ADAMTS16: variants seen among roughly 807,000 people sequenced by gnomAD.
The protein encoded by ADAMTS16 is A disintegrin and metalloproteinase with thrombospondin motifs 16.
Under a neutral mutation model 145.8 loss-of-function variants are expected in ADAMTS16, and 94 were observed. The ratio of observed to expected loss-of-function variants is 0.64; its 90% CI spans 0.55 to 0.77. The LOEUF is 0.77. Ranked by LOEUF, ADAMTS16 falls within the 30% of genes least tolerant of loss-of-function variation. The pLI is 0.00. For synonymous variants in ADAMTS16, 659 were observed against 604.3 expected (o/e 1.09, Z -1.33); for missense variants, 1,585 against 1,591.5 (o/e 1.00, Z 0.07).
chr5:5,143,873 C>T (rs1264890402), intron 2 of ADAMTS16, among the ~76,000 whole-genome samples: 1 of 152,102 alleles, frequency 6.6e-6, no homozygotes, highest in African/African-American at 2.4e-5. Flanking sequence ...AGCAAACTAA[C>T]ACAGGAACAG....
At chr5:5,173,853 G>C (rs1384523627) in intron 3 of ADAMTS16, among the ~76,000 whole-genome samples, 1 of 152,048 alleles carries the variant, frequency 6.6e-6, no homozygotes, top group Non-Finnish European at 1.5e-5. Flanking sequence ...CTTTAACTTT[G>C]TCCTCCAGCA....
Position 5,186,068 on chromosome 5 carries a change from C to T in ADAMTS16, c.780C>T (p.Pro260=). The change falls in exon 5 of 23, where the codon CCC becomes CCT. Residue 260 remains proline (P), a synonymous_variant. Coordinates refer to ENST00000274181, the MANE Select transcript of ADAMTS16 (RefSeq NM_139056.4). ...GRRKKYMPQP[P]KEDLFILPDE... is the part of the protein sequence containing the mutation. ...CCTCCATAGACATGCCCCAGCCTCC[C>T]AAGGAAGACCTCTTCATCTTGCCAG... 1 of 1,613,466 alleles carries T rather than the reference C, an allele frequency of 6.2e-7. No individual in the cohort carries two copies. Among genetic ancestry groups the T allele is most frequent in the Non-Finnish European group, 8.5e-7 (1 of 1,179,896 alleles).
chr5:5,152,884 G>T (rs897784649), intron 3 of ADAMTS16, among the ~76,000 whole-genome samples: 2 of 152,172 alleles, frequency 1.3e-5, no homozygotes, highest in Admixed American at 1.3e-4. Context: ...ATCCCACATT[G>T]CTCCTCAAAT....
chr5:5,298,857 TGTGA>T (rs527962686), intron 18 of ADAMTS16, among the ~76,000 whole-genome samples: 2 of 152,314 alleles, frequency 1.3e-5, no homozygotes, highest in South Asian at 4.1e-4. Context: ...GTCTGCAGTG[TGTGA>T]GTATCTGGGT....
chr5:5,307,332 G>A (rs1384809718), intron 21 of ADAMTS16, among the ~76,000 whole-genome samples: 4 of 152,212 alleles, frequency 2.6e-5, no homozygotes, highest in African/African-American at 9.6e-5. Flanking sequence ...GTGTGCACTG[G>A]CTTGTGGCTG....
intron 11 of ADAMTS16, among the ~76,000 whole-genome samples, chr5:5,226,029 C>G (rs73735757): frequency 8.6e-5 from 13 of 151,854 alleles, no homozygotes; most frequent in Admixed American, 7.9e-4. Context: ...GGGAGTCCAC[C>G]CATGGAGACA....
At chr5:5,149,369 T>A (rs895731504) in intron 3 of ADAMTS16, among the ~76,000 whole-genome samples, 9 of 152,290 alleles carry the variant, frequency 5.9e-5, no homozygotes, top group Admixed American at 5.2e-4. Context: ...GGTTAAATAA[T>A]GGATAGACTT....
chr5:5,171,765 T>A (rs1003973162), intron 3 of ADAMTS16, among the ~76,000 whole-genome samples: 12 of 152,166 alleles, frequency 7.9e-5, no homozygotes, highest in Non-Finnish European at 1.2e-4. Flanking sequence ...GGTTTTGATA[T>A]CAGGATAATA....
intron 17 of ADAMTS16, among the ~76,000 whole-genome samples, chr5:5,261,489 C>CTTTT (rs10719029): frequency 1.9e-5 from 2 of 105,512 alleles, no homozygotes; most frequent in Non-Finnish European, 2.0e-5. Flanking sequence ...GTTATAGCCT[C>CTTTT]TTTTTTTTTT....
At chr5:5,303,030 C>A (rs959512588) in intron 18 of ADAMTS16, among the ~76,000 whole-genome samples, 3 of 152,108 alleles carry the variant, frequency 2.0e-5, no homozygotes, top group Admixed American at 6.5e-5. Context: ...CACTGGAACC[C>A]AAAAGCCAGA....
intron 18 of ADAMTS16, among the ~76,000 whole-genome samples, chr5:5,271,657 A>G (rs1738478433): frequency 2.0e-5 from 3 of 152,216 alleles, no homozygotes; most frequent in Non-Finnish European, 4.4e-5. Flanking sequence ...ATTAACACTA[A>G]TCACACACCT....
In ADAMTS16 at chr5:5,200,123, C is replaced by CTG; in HGVS notation, c.1314-8_1314-7insGT. Reference sequence around the variant, plus strand: ...GAAAGAACCATCTCTCTCTCTCTCTCTCTCATAGCTTTGGCATGATTCATG... The same window carrying CTG: ...GAAAGAACCATCTCTCTCTCTCTCTCTGTCTCATAGCTTTGGCATGATTCATG... On this transcript the variant is annotated splice_polypyrimidine_tract_variant and intron_variant, in intron 8 of 22. Transcript: ENST00000274181. 1.3e-6 allele frequency: 2 copies of CTG among 1,598,596 alleles called. No homozygotes were observed. Among genetic ancestry groups the CTG allele is most frequent in the Non-Finnish European group, 8.5e-7 (1 of 1,171,754 alleles).
At chr5:5,262,160 G>T (rs1283816171) in intron 17 of ADAMTS16, among the ~76,000 whole-genome samples, 1 of 152,182 alleles carries the variant, frequency 6.6e-6, no homozygotes, top group Non-Finnish European at 1.5e-5. Context: ...GATTGTTAAA[G>T]TTAGCCTTTC....
intron 18 of ADAMTS16, among the ~76,000 whole-genome samples, chr5:5,263,094 T>C (rs1394273822): frequency 6.6e-6 from 1 of 152,238 alleles, no homozygotes; most frequent in East Asian, 1.9e-4. Flanking sequence ...ATGCATTCTC[T>C]CTGCTGTCCT....
intron 18 of ADAMTS16, among the ~76,000 whole-genome samples, chr5:5,270,540 G>T (rs114933478): frequency 3.9e-5 from 6 of 152,270 alleles, no homozygotes; most frequent in African/African-American, 1.2e-4. Context: ...AAAGGAGAAA[G>T]AAATTCACAA....
At chr5:5,237,770 A>G (rs555932157) in intron 14 of ADAMTS16, among the ~76,000 whole-genome samples, 1 of 152,234 alleles carries the variant, frequency 6.6e-6, no homozygotes, top group African/African-American at 2.4e-5. Context: ...TTCACTGAGG[A>G]GGGCGGGCAG....
At chr5:5,233,148 T>C in intron 12 of ADAMTS16, among the ~76,000 whole-genome samples, 1 of 152,206 alleles carries the variant, frequency 6.6e-6, no homozygotes, top group South Asian at 2.1e-4. Context: ...GAAAAGTGTA[T>C]AGAATACAAA....
At chr5:5,232,278 C>T in intron 11 of ADAMTS16, 90 bp from the exon 12 acceptor site, 3 of 1,486,468 alleles carry the variant, frequency 2.0e-6, no homozygotes, top group African/African-American at 2.8e-5. Context: ...TTACAAAATT[C>T]CCCACTGCTC....
At chr5:5,208,964 A>G in intron 9 of ADAMTS16, 129 bp from the exon 10 acceptor site, 1 of 971,670 alleles carries the variant, frequency 1.0e-6, no homozygotes, top group Non-Finnish European at 1.5e-6. Flanking sequence ...CTCAGGAGAA[A>G]AAAAGTTCTC....
Sources: gnomAD v4.1 joint callset for allele counts (sites outside exome capture counted in the v4.1 genomes callset) on GRCh38, gnomAD v4.1.1 for gene constraint, MANE v1.5 for transcripts, NCBI Gene and HGNC (gene_info 2026-07-23, HGNC 2026-07-21) for gene names.